EML6: variants seen among roughly 807,000 people sequenced by gnomAD.
EML6 encodes the protein EMAP like 6, also known as echinoderm microtubule-associated protein-like 6.
EML6 carries 154 observed loss-of-function variants against 240.1 expected under a neutral mutation model. The observed-to-expected ratio is 0.64, with a 90% CI of 0.56 to 0.73. The LOEUF is 0.73. Ranked by LOEUF, EML6 falls within the 30% of genes least tolerant of loss-of-function variation. The pLI, the probability that EML6 is intolerant of heterozygous loss-of-function variation, is 0.00. For synonymous variants in EML6, 1,148 were observed against 899.0 expected (o/e 1.28, Z -4.95); for missense variants, 2,964 against 2,474.6 (o/e 1.20, Z -4.20).
intron 24 of EML6, among the ~76,000 whole-genome samples, chr2:54,908,375 A>C (rs1673460857): frequency 6.6e-6 from 1 of 151,964 alleles, no homozygotes; most frequent in Admixed American, 6.6e-5. Flanking sequence ...ATGCCCGGCT[A>C]ATTTTTTTTC....
At chr2:54,757,963 C>G (rs1667813842) in intron 2 of EML6, among the ~76,000 whole-genome samples, 1 of 147,814 alleles carries the variant, frequency 6.8e-6, no homozygotes, top group African/African-American at 2.5e-5. Context: ...GGGCCTGTGT[C>G]TTTTAAAATA....
chr2:54,802,016 C>G (rs1401748038), intron 2 of EML6, among the ~76,000 whole-genome samples: 3 of 152,158 alleles, frequency 2.0e-5, no homozygotes, highest in Admixed American at 6.5e-5. Context: ...CCATCTTGCT[C>G]TTACTCAGAT....
intron 28 of EML6, among the ~76,000 whole-genome samples, chr2:54,937,519 C>T (rs970144455): frequency 1.6e-5 from 2 of 122,852 alleles, no homozygotes; most frequent in Non-Finnish European, 3.2e-5. Flanking sequence ...TGCCACTGTA[C>T]TCCAGCCTGG....
chr2:54,883,532 T>C (rs1030921650), intron 17 of EML6, among the ~76,000 whole-genome samples: 39 of 152,228 alleles, frequency 2.6e-4, no homozygotes, highest in African/African-American at 8.9e-4. Flanking sequence ...GCAGTTGCCC[T>C]TGGCCTCTGG....
At chr2:54,923,344 G>A (rs996747374) in intron 26 of EML6, among the ~76,000 whole-genome samples, 1 of 144,702 alleles carries the variant, frequency 6.9e-6, no homozygotes, top group Non-Finnish European at 1.5e-5. Context: ...TAACAGAGTA[G>A]ATCCTAAGTG....
At chr2:54,921,648 G>T (rs1415445565) in intron 26 of EML6, among the ~76,000 whole-genome samples, 1 of 151,990 alleles carries the variant, frequency 6.6e-6, no homozygotes, top group African/African-American at 2.4e-5. Flanking sequence ...AATAAAGCTG[G>T]AAGTGTCACA....
intron 11 of EML6, among the ~76,000 whole-genome samples, chr2:54,857,607 A>C (rs1207582826): frequency 6.6e-6 from 1 of 152,204 alleles, no homozygotes; most frequent in Non-Finnish European, 1.5e-5. Context: ...TAAAGCAAAC[A>C]GTGGGAGCAG....
At chr2:54,830,628 C>T (rs1291326405) in intron 7 of EML6, among the ~76,000 whole-genome samples, 13 of 152,114 alleles carry the variant, frequency 8.5e-5, no homozygotes, top group South Asian at 2.1e-4. Flanking sequence ...TGCTCTCTGC[C>T]GGCCTTAGGT....
At chr2:54,927,579 C>A (rs1573160112) in intron 26 of EML6, among the ~76,000 whole-genome samples, 1 of 152,280 alleles carries the variant, frequency 6.6e-6, no homozygotes, top group African/African-American at 2.4e-5. Flanking sequence ...GAAGCTTTTT[C>A]TGGTGCCAGC....
At chr2:54,861,953 G>C (rs1016024136) in intron 12 of EML6, among the ~76,000 whole-genome samples, 1 of 152,122 alleles carries the variant, frequency 6.6e-6, no homozygotes, top group African/African-American at 2.4e-5. Flanking sequence ...CTGAGGTCAA[G>C]AGAGCAATAT....
chr2:54,911,982 G>T (rs984196941), intron 25 of EML6, among the ~76,000 whole-genome samples: 1 of 152,206 alleles, frequency 6.6e-6, no homozygotes, highest in African/African-American at 2.4e-5. Context: ...CTGTTGATGA[G>T]GATGAGGAAA....
At chr2:54,747,951 T>C (rs1440937904) in intron 2 of EML6, among the ~76,000 whole-genome samples, 1 of 152,214 alleles carries the variant, frequency 6.6e-6, no homozygotes. Context: ...TTATTACTTA[T>C]CCTAATTTTG....
chr2:54,780,616 T>C (rs537496109), intron 2 of EML6, among the ~76,000 whole-genome samples: 6 of 152,224 alleles, frequency 3.9e-5, no homozygotes, highest in Non-Finnish European at 5.9e-5. Context: ...TACACCGTTA[T>C]TATGTTAATT....
intron 2 of EML6, among the ~76,000 whole-genome samples, chr2:54,760,114 G>C (rs79585151): frequency 0.09 from 13,543 of 150,864 alleles, 840 homozygotes; most frequent in East Asian, 0.21. Context: ...AATTGATCTT[G>C]GTCTTAGATT....
chr2:54,795,050 G>GT (rs370790449), intron 2 of EML6, among the ~76,000 whole-genome samples: 12 of 152,144 alleles, frequency 7.9e-5, no homozygotes, highest in African/African-American at 2.7e-4. Context: ...ATTTATTCGT[G>GT]TTTTTTTGTT....
rs67666233 is a variant in EML6, at chr2:54,929,692, ACCTCCTCCT to A, written c.4004+969_4004+977del. Among the ~76,000 whole-genome samples the A allele has an allele frequency of 7.4e-3, 1,055 of 143,072 alleles. 11 individuals are homozygous for A. Among genetic ancestry groups the A allele is most frequent in the African/African-American group, 0.017 (690 of 39,774 alleles). The allele number at this position is 143,072 out of a possible 152,430, so 93.9% of individuals were successfully genotyped here. A position where few individuals can be genotyped will look rare whatever the true frequency, so the allele number is the denominator to read the frequency against. On this transcript the variant is annotated intron_variant, in intron 28 of 41. Coordinates refer to ENST00000356458, the MANE Select transcript of EML6 (RefSeq NM_001039753.4). ...GGGGTTTTAGATGCAAAGAAATGTAACCTCCTCCTCCTCCTCCTCCTCCTCCTCCTCCTC... is the reference window on the plus strand; with the variant it reads ...GGGGTTTTAGATGCAAAGAAATGTAACCTCCTCCTCCTCCTCCTCCTCCTC...
chr2:54,790,247 A>G (rs945099481), intron 2 of EML6, among the ~76,000 whole-genome samples: 1 of 152,186 alleles, frequency 6.6e-6, no homozygotes, highest in African/African-American at 2.4e-5. Context: ...TATGGTGACA[A>G]TTCATCCACT....
At chr2:54,811,835 T>C (rs1282094176) in intron 2 of EML6, among the ~76,000 whole-genome samples, 1 of 152,318 alleles carries the variant, frequency 6.6e-6, no homozygotes, top group African/African-American at 2.4e-5. Context: ...TGATAATCTC[T>C]CACCAACTGA....
At chr2:54,791,198 T>G (rs1031896668) in intron 2 of EML6, among the ~76,000 whole-genome samples, 7 of 152,116 alleles carry the variant, frequency 4.6e-5, no homozygotes, top group African/African-American at 1.7e-4. Flanking sequence ...CTGCTTCTCC[T>G]GAGTTGCACG....
Sources: gnomAD v4.1 joint callset for allele counts (sites outside exome capture counted in the v4.1 genomes callset) on GRCh38, gnomAD v4.1.1 for gene constraint, MANE v1.5 for transcripts, NCBI Gene and HGNC (gene_info 2026-07-23, HGNC 2026-07-21) for gene names.